KCNJ6: variants seen among roughly 807,000 people sequenced by gnomAD.
KCNJ6 encodes potassium inwardly rectifying channel subfamily J member 6.
KCNJ6 carries 9 observed loss-of-function variants against 34.2 expected under a neutral mutation model. The observed-to-expected ratio is 0.26, with a 90% confidence interval of 0.16 to 0.46. The LOEUF (loss-of-function observed/expected upper bound fraction) is 0.46, where lower values mean the gene tolerates loss of function less well. Ranked by LOEUF, KCNJ6 falls within the 20% of genes least tolerant of loss-of-function variation. The probability of loss-of-function intolerance (pLI) is 1.00; values close to 1 mark genes in which losing one functional copy is unlikely to be tolerated. For synonymous variants in KCNJ6, 196 were observed against 207.1 expected, an observed-to-expected ratio of 0.95 and a Z score of 0.46; for missense variants, 236 against 531.3, an observed-to-expected ratio of 0.44 and a Z score of 5.46.
At chr21:37,782,270 G>A (rs2055173062) in intron 2 of KCNJ6, among the ~76,000 whole-genome samples, 1 of 152,186 alleles carries the variant, frequency 6.6e-6, no homozygotes, top group African/African-American at 2.4e-5. Flanking sequence ...TGGCCCTACT[G>A]ACACCTTCAT....
At chr21:37,862,985 A>G (rs976850841) in intron 1 of KCNJ6, among the ~76,000 whole-genome samples, 2 of 152,236 alleles carry the variant, frequency 1.3e-5, no homozygotes, top group Non-Finnish European at 2.9e-5. Context: ...GAATGGAGAG[A>G]GCCAACAGCA....
chr21:37,888,385 G>T (rs1357294963), intron 1 of KCNJ6, among the ~76,000 whole-genome samples: 1 of 152,174 alleles, frequency 6.6e-6, no homozygotes, highest in African/African-American at 2.4e-5. Context: ...AACATTCTTA[G>T]CTTTGACACC....
intron 3 of KCNJ6, among the ~76,000 whole-genome samples, chr21:37,649,998 T>C (rs1291137376): frequency 1.3e-5 from 2 of 151,802 alleles, no homozygotes; most frequent in Non-Finnish European, 2.9e-5. Context: ...CTCCTGACCT[T>C]GTGATTCACC....
chr21:37,771,827 C>A (rs1174249040), intron 2 of KCNJ6, among the ~76,000 whole-genome samples: 1 of 152,118 alleles, frequency 6.6e-6, no homozygotes, highest in African/African-American at 2.4e-5. Flanking sequence ...AGGAATTTCT[C>A]TGGGCAAATA....
chr21:37,679,198 C>T (rs2054580112), intron 3 of KCNJ6, among the ~76,000 whole-genome samples: 1 of 152,214 alleles, frequency 6.6e-6, no homozygotes, highest in Non-Finnish European at 1.5e-5. Context: ...CAGATGACTG[C>T]AGCCCCAGCC....
chr21:37,766,625 C>T (rs181891602), intron 2 of KCNJ6, among the ~76,000 whole-genome samples: 8 of 152,128 alleles, frequency 5.3e-5, no homozygotes, highest in Non-Finnish European at 8.8e-5. Context: ...TGGTGATTGG[C>T]TAAGGGTTCC....
chr21:37,809,598 G>A (rs2055312329), intron 2 of KCNJ6, among the ~76,000 whole-genome samples: 1 of 152,102 alleles, frequency 6.6e-6, no homozygotes, highest in East Asian at 1.9e-4. Flanking sequence ...TTAAAAAGAT[G>A]ATGTAAGTTT....
chr21:37,836,952 C>A (rs1455930445), intron 2 of KCNJ6, among the ~76,000 whole-genome samples: 1 of 152,206 alleles, frequency 6.6e-6, no homozygotes, highest in Admixed American at 6.5e-5. Flanking sequence ...AGGCTGTGAA[C>A]TGCCACACTT....
At chr21:37,766,928 C>T (rs1003669464) in intron 2 of KCNJ6, among the ~76,000 whole-genome samples, 4 of 152,148 alleles carry the variant, frequency 2.6e-5, no homozygotes, top group African/African-American at 4.8e-5. Context: ...AAATCAAATG[C>T]CTGATGATCT....
At chr21:37,852,613 A>G (rs2055543303) in intron 1 of KCNJ6, among the ~76,000 whole-genome samples, 1 of 152,212 alleles carries the variant, frequency 6.6e-6, no homozygotes, top group South Asian at 2.1e-4. Context: ...AGATTTCAAT[A>G]AGATCCAGAA....
At position 37,612,407 on chromosome 21, in the gene KCNJ6, T is replaced by A. The variant is rs2054245786; in HGVS notation, c.*12752A>T. ...TCCATTTCATGGAGGGACTCAATAT[T>A]GTCAAGATGTCACTTCCCAGCTTCC... On this transcript the variant is annotated 3_prime_UTR_variant, in exon 4 of 4. Coordinates refer to ENST00000609713, the MANE Select transcript of KCNJ6 (RefSeq NM_002240.5). 1 of 152,222 alleles carries A rather than the reference T, an allele frequency of 6.6e-6. No individual in the cohort carries two copies. Among genetic ancestry groups the A allele is most frequent in the South Asian group, 2.1e-4 (1 of 4,830 alleles). The allele number at this position is 152,222 out of a possible 1,614,324, so 9.4% of individuals were successfully genotyped here.
chr21:37,716,285 T>C (rs1369886744), intron 2 of KCNJ6, among the ~76,000 whole-genome samples: 1 of 152,194 alleles, frequency 6.6e-6, no homozygotes, highest in Non-Finnish European at 1.5e-5. Context: ...TCTCTGTCTG[T>C]GTGCTTACAT....
At chr21:37,775,660 T>A (rs1382983571) in intron 2 of KCNJ6, among the ~76,000 whole-genome samples, 2 of 152,214 alleles carry the variant, frequency 1.3e-5, no homozygotes, top group Non-Finnish European at 2.9e-5. Flanking sequence ...CAGATAGTTG[T>A]AGATATGTGG....
chr21:37,685,476 T>C (rs2054609316), intron 3 of KCNJ6, among the ~76,000 whole-genome samples: 1 of 128,980 alleles, frequency 7.8e-6, no homozygotes, highest in Non-Finnish European at 1.7e-5. Context: ...GTTCAGGAGA[T>C]TGAGAACATC....
chr21:37,904,977 C>G (rs370734346), intron 1 of KCNJ6, among the ~76,000 whole-genome samples: 1 of 152,316 alleles, frequency 6.6e-6, no homozygotes, highest in African/African-American at 2.4e-5. Flanking sequence ...AGCAGCTCAC[C>G]TAGCTCTCTG....
intron 2 of KCNJ6, among the ~76,000 whole-genome samples, chr21:37,776,465 T>G (rs905812602): frequency 2.9e-5 from 4 of 138,598 alleles, no homozygotes; most frequent in African/African-American, 5.3e-5. Flanking sequence ...GCCCATTAAG[T>G]ATGATATTGG....
chr21:37,773,236 G>A (rs566952676), intron 2 of KCNJ6, among the ~76,000 whole-genome samples: 1 of 152,132 alleles, frequency 6.6e-6, no homozygotes, highest in Non-Finnish European at 1.5e-5. Flanking sequence ...TAGCTCTGAG[G>A]CTTCACGGCA....
chr21:37,826,954 C>T (rs2055401981), intron 2 of KCNJ6, among the ~76,000 whole-genome samples: 1 of 152,158 alleles, frequency 6.6e-6, no homozygotes, highest in Non-Finnish European at 1.5e-5. Context: ...GAAGAAGGGA[C>T]CGCAAAGGCT....
chr21:37,873,537 G>A (rs1037740859), intron 1 of KCNJ6, among the ~76,000 whole-genome samples: 7 of 152,202 alleles, frequency 4.6e-5, no homozygotes, highest in African/African-American at 1.7e-4. Flanking sequence ...ACAACTAGCT[G>A]AGCATTGCTA....
Sources: allele counts gnomAD v4.1 joint callset (sites outside exome capture counted in the v4.1 genomes callset), GRCh38; gene constraint gnomAD v4.1.1; transcripts MANE v1.5; gene names NCBI Gene and HGNC (gene_info 2026-07-23, HGNC 2026-07-21).